The following CORO7 variants were observed in gnomAD, a reference collection of about 807,000 sequenced individuals.
The protein encoded by CORO7 is coronin-7.
A neutral mutation model predicts 126.6 loss-of-function variants in CORO7; 107 were observed. The ratio of observed to expected loss-of-function variants is 0.85; its 90% CI spans 0.72 to 0.99. The LOEUF is 0.99. Ranked by LOEUF, CORO7 falls within the 50% of genes least tolerant of loss-of-function variation. CORO7 has a pLI of 0.00. For missense variants in CORO7, 1,314 were observed against 1,255.8 expected, an observed-to-expected ratio of 1.05 and a Z score of -0.70; for synonymous variants, 603 against 536.8, an observed-to-expected ratio of 1.12 and a Z score of -1.70.
chr16:4,381,716 C>T (rs1320987011), intron 9 of CORO7: 1 of 1,606,914 alleles, frequency 6.2e-7, no homozygotes, highest in Non-Finnish European at 8.5e-7. Flanking sequence ...CAGGCCCTGC[C>T]TGGCGACCTC....
At chr16:4,387,388 T>C (rs1331192911) in intron 9 of CORO7, among the ~76,000 whole-genome samples, 2 of 152,150 alleles carry the variant, frequency 1.3e-5, no homozygotes, top group Non-Finnish European at 2.9e-5. Context: ...GATGGAAGGA[T>C]GAGGTGCACC....
At chr16:4,407,185 T>C (rs1250721626) in intron 5 of CORO7, among the ~76,000 whole-genome samples, 1 of 150,306 alleles carries the variant, frequency 6.7e-6, no homozygotes, top group Non-Finnish European at 1.5e-5. Flanking sequence ...TGACCTCAGG[T>C]GATCCACCTA....
intron 9 of CORO7, among the ~76,000 whole-genome samples, chr16:4,372,938 C>A (rs1398806077): frequency 6.6e-6 from 1 of 152,160 alleles, no homozygotes; most frequent in Admixed American, 6.5e-5. Flanking sequence ...AGCCCCCTTC[C>A]CCAGGCTGAG....
intron 9 of CORO7, among the ~76,000 whole-genome samples, chr16:4,369,493 T>A (rs1451469091): frequency 6.6e-6 from 1 of 152,194 alleles, no homozygotes; most frequent in African/African-American, 2.4e-5. Flanking sequence ...CATAAAGTTA[T>A]AGAAGGTCTA....
chr16:4,366,286 G>A (rs1351237603), intron 9 of CORO7, among the ~76,000 whole-genome samples: 1 of 152,188 alleles, frequency 6.6e-6, no homozygotes, highest in Non-Finnish European at 1.5e-5. Context: ...TGGGAATAGA[G>A]TGGGCGGGCC....
At chr16:4,392,828 G>T (rs1395817688) in intron 7 of CORO7, among the ~76,000 whole-genome samples, 2 of 152,212 alleles carry the variant, frequency 1.3e-5, no homozygotes, top group African/African-American at 4.8e-5. Context: ...GGCATTCCAG[G>T]CCTGCTGCCC....
intron 6 of CORO7, chr16:4,397,348 C>T (rs1378710563): frequency 6.6e-6 from 1 of 151,576 alleles, no homozygotes; most frequent in Non-Finnish European, 1.5e-5. Flanking sequence ...GAGGCTGAGT[C>T]AGGAGAATCA....
rs1173808355 is a variant in CORO7, at chr16:4,365,044, T to C, written c.857A>G (p.Tyr286Cys). ...VLAGKGERQL[Y>C]CYEVVPQQPA... ...CTGCTGCGGGACCACCTCGTAACAG[T>C]ACAGCTGCCTCTCGCCCTGAAATGA... The change falls in exon 11 of 28, where the codon TAC (tyrosine) becomes TGC (cysteine). Residue 286 changes from tyrosine (Y) to cysteine (C), a missense_variant. Transcript: ENST00000251166. 6.2e-7 allele frequency: 1 copy of C among 1,603,206 alleles called. No individual in the cohort carries two copies. The highest frequency in any genetic ancestry group is 1.1e-5 in the South Asian group (1 of 89,354).
At chr16:4,411,201 G>A (rs1037409371) in intron 3 of CORO7, among the ~76,000 whole-genome samples, 1 of 152,178 alleles carries the variant, frequency 6.6e-6, no homozygotes, top group Admixed American at 6.5e-5. Flanking sequence ...ACCAGGCTGG[G>A]CAACATAACA....
chr16:4,359,235 C>CCACCAGGG, intron 23 of CORO7, 61 bp downstream of exon 23: 1 of 1,504,742 alleles, frequency 6.6e-7, no homozygotes, highest in Non-Finnish European at 8.9e-7. Context: ...GCCCACATGG[C>CCACCAGGG]CACCAGGGGG....
intron 9 of CORO7, chr16:4,383,491 G>A (rs555829386): frequency 8.4e-5 from 14 of 167,176 alleles, no homozygotes; most frequent in African/African-American, 3.1e-4. Context: ...ATGATATGAA[G>A]GCCTTTTGTA....
chr16:4,357,117 G>T, intron 26 of CORO7, 51 bp downstream of exon 26: 1 of 1,609,938 alleles, frequency 6.2e-7, no homozygotes, highest in Non-Finnish European at 8.5e-7. Flanking sequence ...CCGTGGCCAG[G>T]TGCAGCCAGG....
chr16:4,405,872 C>T (rs2055980479), intron 5 of CORO7, among the ~76,000 whole-genome samples: 1 of 152,238 alleles, frequency 6.6e-6, no homozygotes. Context: ...AACAGGGTCA[C>T]TCCTGCCCTA....
At chr16:4,403,443 G>A (rs1411037156) in intron 6 of CORO7, among the ~76,000 whole-genome samples, 1 of 152,092 alleles carries the variant, frequency 6.6e-6, no homozygotes, top group Non-Finnish European at 1.5e-5. Flanking sequence ...CCCCGCAGGC[G>A]GAATTCCTAG....
At chr16:4,416,194 G>A (rs2056405144) in intron 1 of CORO7, among the ~76,000 whole-genome samples, 1 of 152,180 alleles carries the variant, frequency 6.6e-6, no homozygotes, top group South Asian at 2.1e-4. Context: ...CGCCGCCTCG[G>A]GGGTCCCGGG....
At chr16:4,404,163 G>A (rs1432614135) in intron 6 of CORO7, among the ~76,000 whole-genome samples, 1 of 152,206 alleles carries the variant, frequency 6.6e-6, no homozygotes, top group Non-Finnish European at 1.5e-5. Flanking sequence ...CAGAGCCCTG[G>A]GGCGGAATGC....
intron 9 of CORO7, among the ~76,000 whole-genome samples, chr16:4,383,972 C>G (rs1460648575): frequency 6.6e-6 from 1 of 152,198 alleles, no homozygotes; most frequent in Non-Finnish European, 1.5e-5. Context: ...CTACAGCGTC[C>G]CGGGAGAGCC....
intron 6 of CORO7, among the ~76,000 whole-genome samples, chr16:4,403,477 G>C (rs947866560): frequency 4.6e-5 from 7 of 152,132 alleles, no homozygotes; most frequent in Admixed American, 3.9e-4. Flanking sequence ...GGAAGGAGGG[G>C]GAGTCGTTCC....
chr16:4,382,620 C>T (rs1159927949), intron 9 of CORO7: 6 of 1,577,182 alleles, frequency 3.8e-6, no homozygotes, highest in South Asian at 3.5e-5. Flanking sequence ...TTGCGCCCGC[C>T]CTGGCCGCGG....
Sources: gnomAD v4.1 joint callset for allele counts (sites outside exome capture counted in the v4.1 genomes callset) on GRCh38, gnomAD v4.1.1 for gene constraint, MANE v1.5 for transcripts, NCBI Gene and HGNC (gene_info 2026-07-23, HGNC 2026-07-21) for gene names.